EIPR1: variants seen among roughly 807,000 people sequenced by gnomAD.
The protein encoded by EIPR1 is EARP and GARP complex-interacting protein 1.
EIPR1 carries 25 observed loss-of-function variants against 48.1 expected under a neutral mutation model. The observed-to-expected ratio is 0.52, with a 90% CI of 0.38 to 0.73. The LOEUF is 0.73. EIPR1 is among the 30% of genes least tolerant of loss of function. The probability of loss-of-function intolerance (pLI) is 0.00; values close to 1 mark genes in which losing one functional copy is unlikely to be tolerated. For missense variants in EIPR1, 415 were observed against 506.2 expected (o/e 0.82, Z 1.73); for synonymous variants, 204 against 201.9 (o/e 1.01, Z -0.09).
chr2:3,311,472 A>G (rs1669125635), intron 3 of EIPR1, among the ~76,000 whole-genome samples: 1 of 152,152 alleles, frequency 6.6e-6, no homozygotes, highest in Non-Finnish European at 1.5e-5. Flanking sequence ...CTTTTTTCAC[A>G]CTTAGAACAT....
intron 3 of EIPR1, among the ~76,000 whole-genome samples, chr2:3,326,445 G>T (rs1465266484): frequency 2.0e-5 from 3 of 152,146 alleles, no homozygotes; most frequent in African/African-American, 7.2e-5. Context: ...AGCCTCCACT[G>T]CCCTGCTCCC....
chr2:3,341,509 T>C (rs1179873521), intron 2 of EIPR1, among the ~76,000 whole-genome samples: 1 of 151,258 alleles, frequency 6.6e-6, no homozygotes, highest in Non-Finnish European at 1.5e-5. Flanking sequence ...TCTATGCATG[T>C]ATGTGTGCGG....
At chr2:3,372,759 G>A (rs1178306778) in intron 1 of EIPR1, among the ~76,000 whole-genome samples, 1 of 152,158 alleles carries the variant, frequency 6.6e-6, no homozygotes, top group Admixed American at 6.5e-5. Flanking sequence ...ACCAAAAAGA[G>A]TCCAGGACCA....
chr2:3,219,614 TCA>T (rs1242962696), intron 4 of EIPR1, among the ~76,000 whole-genome samples: 1 of 149,852 alleles, frequency 6.7e-6, no homozygotes, highest in Non-Finnish European at 1.5e-5. Flanking sequence ...TCTAGAGCAT[TCA>T]CAGTGAGTCA....
At chr2:3,242,631 C>T (rs982189402) in intron 4 of EIPR1, among the ~76,000 whole-genome samples, 2 of 152,244 alleles carry the variant, frequency 1.3e-5, no homozygotes. Context: ...AGCTTGTGCT[C>T]AGACTAAGAT....
chr2:3,294,754 T>C (rs1288196545), intron 3 of EIPR1, among the ~76,000 whole-genome samples: 1 of 88,140 alleles, frequency 1.1e-5, no homozygotes, highest in Non-Finnish European at 2.2e-5. Flanking sequence ...TCTATACACA[T>C]GCCTTCCATC....
intron 2 of EIPR1, among the ~76,000 whole-genome samples, chr2:3,352,230 T>C (rs1275378435): frequency 2.0e-4 from 23 of 116,886 alleles, no homozygotes; most frequent in Middle Eastern, 5.4e-3. Flanking sequence ...GAGCCATCCA[T>C]ACTGTCTGTT....
intron 3 of EIPR1, among the ~76,000 whole-genome samples, chr2:3,260,914 G>T (rs560425431): frequency 3.3e-5 from 5 of 152,100 alleles, no homozygotes; most frequent in Admixed American, 3.3e-4. Flanking sequence ...GATCTCTCAC[G>T]GATTGTGAAA....
rs76701814 is a variant in EIPR1, at chr2:3,329,280, C to T, written c.259+8737G>A. On this transcript the variant is annotated intron_variant, in intron 3 of 8. Transcript: ENST00000382125. ...CCCCTGGATCAGACTCTACCCACCA[C>T]ACTCTAATGATCTCAGGGCACCAGC... Among the ~76,000 whole-genome samples, 900 of 59,864 alleles carry T rather than the reference C, an allele frequency of 0.015. 289 individuals are homozygous for T. In the East Asian group the frequency reaches 0.24, roughly 16 times the overall value. The allele number at this position is 59,864 out of a possible 152,430, so 39.3% of individuals were successfully genotyped here. A position where few individuals can be genotyped will look rare whatever the true frequency, so the allele number is the denominator to read the frequency against.
intron 4 of EIPR1, among the ~76,000 whole-genome samples, chr2:3,245,934 T>C (rs1046380004): frequency 6.6e-6 from 1 of 152,158 alleles, no homozygotes; most frequent in African/African-American, 2.4e-5. Context: ...CTACATAAAA[T>C]TTAAAAATTA....
intron 2 of EIPR1, among the ~76,000 whole-genome samples, chr2:3,347,939 T>C (rs1299193202): frequency 2.6e-5 from 4 of 151,472 alleles, no homozygotes; most frequent in Non-Finnish European, 5.9e-5. Context: ...GAGAGAAGGG[T>C]GAGGGAGGAA....
chr2:3,374,296 T>C (rs1171160099), intron 1 of EIPR1, among the ~76,000 whole-genome samples: 1 of 152,102 alleles, frequency 6.6e-6, no homozygotes. Context: ...ACCTAGGCAT[T>C]ACCATTCAGG....
At chr2:3,367,232 G>A (rs1407723707) in intron 1 of EIPR1, among the ~76,000 whole-genome samples, 1 of 152,120 alleles carries the variant, frequency 6.6e-6, no homozygotes, top group Non-Finnish European at 1.5e-5. Flanking sequence ...CTGGGATTTT[G>A]TCTGTTTCCT....
At chr2:3,318,876 G>A (rs926899318) in intron 3 of EIPR1, 2 of 471,152 alleles carry the variant, frequency 4.2e-6, no homozygotes, top group African/African-American at 2.0e-5. Flanking sequence ...GTCCCCTGAA[G>A]AAGACCTGGT....
intron 5 of EIPR1, among the ~76,000 whole-genome samples, chr2:3,198,542 C>G (rs1233559995): frequency 6.6e-6 from 1 of 152,150 alleles, no homozygotes; most frequent in Non-Finnish European, 1.5e-5. Flanking sequence ...ATCGGGGGAA[C>G]CCACCCCCGA....
intron 3 of EIPR1, among the ~76,000 whole-genome samples, chr2:3,326,576 C>A (rs1669705074): frequency 6.6e-6 from 1 of 152,198 alleles, no homozygotes; most frequent in Admixed American, 6.5e-5. Flanking sequence ...TTCACAAACG[C>A]CTCCCTGGAG....
chr2:3,317,622 T>G (rs1273901992), intron 3 of EIPR1, among the ~76,000 whole-genome samples: 1 of 152,212 alleles, frequency 6.6e-6, no homozygotes, highest in Non-Finnish European at 1.5e-5. Flanking sequence ...CCAAGCTATA[T>G]GGACTGAATC....
At chr2:3,360,908 T>C (rs1272489250) in intron 1 of EIPR1, among the ~76,000 whole-genome samples, 2 of 137,430 alleles carry the variant, frequency 1.5e-5, no homozygotes, top group Admixed American at 7.5e-5. Context: ...AAGAGGAAAG[T>C]ATGGGGAAAG....
chr2:3,345,182 G>C (rs888920351), intron 2 of EIPR1, among the ~76,000 whole-genome samples: 1 of 152,132 alleles, frequency 6.6e-6, no homozygotes, highest in African/African-American at 2.4e-5. Flanking sequence ...AATGCCACCA[G>C]CTGCTTCTGG....
Sources: allele counts gnomAD v4.1 joint callset (sites outside exome capture counted in the v4.1 genomes callset), GRCh38; gene constraint gnomAD v4.1.1; transcripts MANE v1.5; gene names NCBI Gene and HGNC (gene_info 2026-07-23, HGNC 2026-07-21).